SCRN3: variants seen among roughly 807,000 people sequenced by gnomAD.
SCRN3 encodes the protein secernin-3.
SCRN3 carries 39 observed loss-of-function variants against 43.1 expected under a neutral mutation model. The ratio of observed to expected loss-of-function variants is 0.91; its 90% CI spans 0.70 to 1.18. The LOEUF is 1.18. SCRN3 is among the 50% of genes most tolerant of loss of function. SCRN3 has a pLI of 0.00. For missense variants in SCRN3, 484 were observed against 498.0 expected, an observed-to-expected ratio of 0.97 and a Z score of 0.27; for synonymous variants, 147 against 163.1, an observed-to-expected ratio of 0.90 and a Z score of 0.75.
At chr2:174,398,615 G>A (rs1010947264) in intron 2 of SCRN3, among the ~76,000 whole-genome samples, 173 bp downstream of exon 2, 1 of 152,158 alleles carries the variant, frequency 6.6e-6, no homozygotes, top group Non-Finnish European at 1.5e-5. Flanking sequence ...TTCGGAGGAC[G>A]TTGAAATAAC....
intron 5 of SCRN3, among the ~76,000 whole-genome samples, chr2:174,422,676 CTT>C (rs1375352421): frequency 6.6e-6 from 1 of 151,644 alleles, no homozygotes; most frequent in Non-Finnish European, 1.5e-5. Context: ...GGCTTTGAGA[CTT>C]TGCATAGTTT....
At chr2:174,420,008 C>T (rs1260472734) in intron 5 of SCRN3, among the ~76,000 whole-genome samples, 2 of 152,038 alleles carry the variant, frequency 1.3e-5, no homozygotes, top group African/African-American at 4.8e-5. Flanking sequence ...GGCCTAGATC[C>T]TGAAGGCTGA....
chr2:174,404,607 TCCCCCCA>T lies in SCRN3; in HGVS notation c.754+297_754+303del, dbSNP rs1350429581. On this transcript the variant is annotated intron_variant, in intron 5 of 7. Transcript: ENST00000272732. ...ATCTCCCAATGCTATCCCTCCCCCC[TCCCCCCA>T]CCCCACCACAGTCCCCAGAGTGTGA... 4.0e-5 allele frequency among the ~76,000 whole-genome samples: 4 copies of T among 101,192 alleles called. No homozygotes were observed. The East Asian group carries it at 1.3e-3, about 32-fold the overall frequency. 66.4% of individuals were successfully genotyped at this position (101,192 alleles called of 152,430 possible).
chr2:174,420,674 A>G (rs1203214387), intron 5 of SCRN3, among the ~76,000 whole-genome samples: 3 of 152,338 alleles, frequency 2.0e-5, no homozygotes, highest in Admixed American at 2.0e-4. Context: ...TATAACTGAA[A>G]TTAAGAATCC....
In SCRN3 at chr2:174,400,019, A is replaced by G. The variant is rs1685452442; in HGVS notation, c.257A>G (p.His86Arg). ...LWGAEMGANE[H>R]GVCIGNEAVW... The stretch of plus-strand genomic sequence containing the variant: ...GGGGCAGAAATGGGAGCCAATGAGC[A>G]TGGAGTTTGCATTGGGAATGAAGCT... Residue 86 changes from histidine to arginine, a missense_variant, in exon 3 of 8, where the codon CAT becomes CGT. Transcript: ENST00000272732. 2 of 1,601,320 alleles carry G rather than the reference A, an allele frequency of 1.2e-6. No individual in the cohort carries two copies. Among genetic ancestry groups the G allele is most frequent in the East Asian group, 2.3e-5 (1 of 43,692 alleles).
At chr2:174,401,307 A>C in intron 4 of SCRN3, 118 bp downstream of exon 4, 1 of 761,114 alleles carries the variant, frequency 1.3e-6, no homozygotes, top group East Asian at 2.7e-5. Flanking sequence ...GAAGGGTTGA[A>C]CTGCAAGGGA....
chr2:174,400,911 A>G, intron 3 of SCRN3, 79 bp from the exon 4 acceptor site: 1 of 1,213,212 alleles, frequency 8.2e-7, no homozygotes, highest in Non-Finnish European at 1.1e-6. Flanking sequence ...TGAATCTAAA[A>G]AATCTCATGA....
rs1258708749 is a variant in SCRN3, at chr2:174,395,743, G to A, written c.-84G>A. ...GGAACTTCCGAGATCAAAGGTGACA[G>A]CTTCCGGCAACTGATGCCTCCACTG... is the stretch of plus-strand genomic sequence containing the variant. On this transcript the variant is annotated 5_prime_UTR_variant, in exon 1 of 8. Transcript: ENST00000272732. 6.3e-7 allele frequency: 1 copy of A among 1,599,936 alleles called. No homozygotes were observed. Among genetic ancestry groups the A allele is most frequent in the Non-Finnish European group, 8.5e-7 (1 of 1,172,156 alleles).
chr2:174,422,969 C>T lies in SCRN3; in HGVS notation c.839C>T (p.Ala280Val), dbSNP rs1686345167. Residue 280 changes from alanine (A) to valine (V), a missense_variant, in exon 6 of 8, where the codon GCA (alanine) becomes GTA (valine). Transcript: ENST00000272732. ...INMEGEFLTT[A>V]SMVSILPQDS... ...ATGGAGGGAGAATTCCTGACCACTG[C>T]AAGCATGGTTTCTATTTTACCTCAA... 1 of 1,613,090 alleles carries T rather than the reference C, an allele frequency of 6.2e-7. No individual in the cohort carries two copies. The highest frequency in any genetic ancestry group is 1.1e-5 in the South Asian group (1 of 91,056).
At chr2:174,406,037 A>G (rs1414312352) in intron 5 of SCRN3, among the ~76,000 whole-genome samples, 1 of 137,864 alleles carries the variant, frequency 7.3e-6, no homozygotes, top group Non-Finnish European at 1.6e-5. Flanking sequence ...GAATCTGTAA[A>G]TTACCTTGGG....
intron 5 of SCRN3, among the ~76,000 whole-genome samples, chr2:174,414,353 C>T (rs764918149): frequency 1.6e-4 from 25 of 151,938 alleles, no homozygotes; most frequent in Non-Finnish European, 3.5e-4. Context: ...GTTTTTTTTC[C>T]CATATGCAGT....
At chr2:174,426,059 G>A (rs1412008039) in intron 7 of SCRN3, among the ~76,000 whole-genome samples, 8 of 151,994 alleles carry the variant, frequency 5.3e-5, no homozygotes, top group East Asian at 1.9e-4. Context: ...GTAATAAGGC[G>A]GAATTTTATC....
At chr2:174,407,636 TC>T (rs1214897537) in intron 5 of SCRN3, among the ~76,000 whole-genome samples, 1 of 119,604 alleles carries the variant, frequency 8.4e-6, no homozygotes, top group East Asian at 2.5e-4. Context: ...TTTGAATGCG[TC>T]CCAGAGATTC....
At chr2:174,419,753 C>T (rs913091904) in intron 5 of SCRN3, among the ~76,000 whole-genome samples, 1 of 152,106 alleles carries the variant, frequency 6.6e-6, no homozygotes, top group Admixed American at 6.6e-5. Flanking sequence ...GGATTCACCA[C>T]ATTCATTACT....
intron 5 of SCRN3, among the ~76,000 whole-genome samples, chr2:174,419,713 T>G (rs1271876939): frequency 1.3e-5 from 2 of 152,170 alleles, no homozygotes; most frequent in Non-Finnish European, 2.9e-5. Flanking sequence ...TTGTTGTTGT[T>G]TTTTAAACTG....
Position 174,395,833 on chromosome 2 carries a change from G to C in SCRN3, c.-10+16G>C, listed in dbSNP as rs2105547831. On this transcript the variant is annotated intron_variant, in intron 1 of 7. Transcript: ENST00000272732. Reference sequence around the variant, plus strand: ...GGGAGGCCAGGTGAGGGGCGCGCACGGGGGAGGGGCGTGCATAGTTGAGAC... The same window carrying C: ...GGGAGGCCAGGTGAGGGGCGCGCACCGGGGAGGGGCGTGCATAGTTGAGAC... 6.6e-7 allele frequency: 1 copy of C among 1,504,852 alleles called. No homozygotes were observed. Among genetic ancestry groups the C allele is most frequent in the East Asian group, 2.4e-5 (1 of 41,204 alleles). The allele number at this position is 1,504,852 out of a possible 1,614,324, so 93.2% of individuals were successfully genotyped here.
At chr2:174,414,421 C>A (rs942522507) in intron 5 of SCRN3, among the ~76,000 whole-genome samples, 1 of 151,916 alleles carries the variant, frequency 6.6e-6, no homozygotes, top group African/African-American at 2.4e-5. Context: ...TGTAATTTTT[C>A]TTTTTTTACA....
intron 6 of SCRN3, among the ~76,000 whole-genome samples, chr2:174,423,584 C>T (rs1197607648): frequency 2.6e-5 from 4 of 152,076 alleles, no homozygotes; most frequent in East Asian, 1.9e-4. Context: ...ATTCTCATGC[C>T]TCAGCCTCCC....
intron 5 of SCRN3, among the ~76,000 whole-genome samples, chr2:174,419,846 G>A (rs890074971): frequency 6.6e-6 from 1 of 152,240 alleles, no homozygotes; most frequent in South Asian, 2.1e-4. Context: ...GCAGTGGAGT[G>A]GTTAAAAAGC....
Sources: allele counts gnomAD v4.1 joint callset (sites outside exome capture counted in the v4.1 genomes callset), GRCh38; gene constraint gnomAD v4.1.1; transcripts MANE v1.5; gene names NCBI Gene and HGNC (gene_info 2026-07-23, HGNC 2026-07-21).